Variants in ARRDC1 observed in about 807,000 individuals in gnomAD.
ARRDC1 encodes the protein arrestin domain-containing protein 1.
Under a neutral mutation model 40.1 loss-of-function variants are expected in ARRDC1, and 37 were observed. That is an observed-to-expected ratio of 0.92 (90% confidence interval 0.71 to 1.21). The LOEUF is 1.21. ARRDC1 is among the 50% of genes most tolerant of loss of function. The pLI, the probability that ARRDC1 is intolerant of heterozygous loss-of-function variation, is 0.00. For synonymous variants in ARRDC1, 310 were observed against 262.5 expected (o/e 1.18, Z -1.75); for missense variants, 641 against 581.9 (o/e 1.10, Z -1.04).
In ARRDC1 at chr9:137,613,503, G is replaced by C. The variant is rs551555298; in HGVS notation, c.273G>C (p.Leu91=). The C allele has an allele frequency of 2.7e-5, 44 of 1,613,732 alleles. 1 individual carries two copies. In the South Asian group the frequency reaches 4.1e-4, roughly 15 times the overall value. The change falls in exon 3 of 8, where the codon CTG becomes CTC. Residue 91 remains leucine (L), a synonymous_variant. Coordinates refer to ENST00000371421, the MANE Select transcript of ARRDC1 (RefSeq NM_152285.4). ...AGCACAGCTTCCCCTTCCAGTTCCT[G>C]CTTCCTGGTGAGAGCCCAGCCTGGA... ...AGEHSFPFQF[L]LPATAPTSFE...
chr9:137,613,911 G>A (rs551861205), intron 4 of ARRDC1, 121 bp from the exon 5 acceptor site: 8 of 1,534,380 alleles, frequency 5.2e-6, no homozygotes, highest in Non-Finnish European at 7.1e-6. Context: ...TGGCCTCTTT[G>A]CCCTGAGCTG....
intron 1 of ARRDC1, 113 bp from the exon 2 acceptor site, chr9:137,612,783 C>G: frequency 6.5e-6 from 5 of 764,036 alleles, no homozygotes; most frequent in Middle Eastern, 3.2e-4. Flanking sequence ...CTGGCCTTCC[C>G]AGGACCCTGC....
chr9:137,605,709 G>C lies in ARRDC1; in HGVS notation c.-9G>C. ...GCGTCGCTGCGCGGCTGGCCGGTGA[G>C]GCCGCGGCATGGGGCGAGTGCAGCT... On this transcript the variant is annotated 5_prime_UTR_variant, in exon 1 of 8. Coordinates refer to ENST00000371421, the MANE Select transcript of ARRDC1 (RefSeq NM_152285.4). The C allele has an allele frequency of 7.4e-7, 1 of 1,358,286 alleles. No individual in the cohort carries two copies. Among genetic ancestry groups the C allele is most frequent in the Non-Finnish European group, 9.5e-7 (1 of 1,053,082 alleles). 84.1% of individuals were successfully genotyped at this position (1,358,286 alleles called of 1,614,324 possible).
chr9:137,614,763 C>G lies in ARRDC1; in HGVS notation c.1000C>G (p.Leu334Val). The G allele has an allele frequency of 6.2e-7, 1 of 1,610,708 alleles. No individual in the cohort carries two copies. The highest frequency in any genetic ancestry group is 8.5e-7 in the Non-Finnish European group (1 of 1,178,430). ...CCCCCACTTCTTGGACCCCGTCTTCCTCTCCACCAAGAGCCATTCGCAGCG... is the reference window on the plus strand; with the variant it reads ...CCCCCACTTCTTGGACCCCGTCTTCGTCTCCACCAAGAGCCATTCGCAGCG... ...GGPHFLDPVF[L>V]STKSHSQRQP... Residue 334 changes from leucine to valine, a missense_variant, in exon 7 of 8, where the codon CTC becomes GTC. Coordinates refer to ENST00000371421, the MANE Select transcript of ARRDC1 (RefSeq NM_152285.4).
chr9:137,613,564 G>A, intron 3 of ARRDC1, 51 bp from the exon 4 acceptor site: 3 of 1,614,030 alleles, frequency 1.9e-6, no homozygotes, highest in Non-Finnish European at 1.7e-6. Flanking sequence ...CTGGGAGGTG[G>A]GCTCTGCAGG....
Position 137,615,135 on chromosome 9 carries a change from C to G in ARRDC1, c.1299C>G (p.Ser433Arg), listed in dbSNP as rs1370342858. ...GGVEPSLTPES is the reference protein window; with the variant it reads ...GGVEPSLTPER ...TGGAACCCAGCCTGACCCCTGAGAG[C>G]TGACCCCGTGCTGCCTTCTCCAGGC... The change falls in exon 8 of 8, where the codon AGC (serine) becomes AGG (arginine). Residue 433 changes from serine to arginine, a missense_variant. Transcript: ENST00000371421. 3 of 1,536,116 alleles carry G rather than the reference C, an allele frequency of 2.0e-6. No individual in the cohort carries two copies. In the African/African-American group the frequency reaches 4.1e-5, roughly 21 times the overall value.
chr9:137,614,930 C>CG lies in ARRDC1; in HGVS notation c.1173dup (p.Pro392AlafsTer22), dbSNP rs757365279. ...CTGTCCCCTACTTTGCAGAGGGCTC[C>CG]GGGGGGCCAGTGCCCACTACCAGCA... On this transcript the variant is annotated frameshift_variant, in exon 7 of 8. Transcript: ENST00000371421. LOFTEE classifies it high-confidence loss of function. 7.4e-6 allele frequency: 12 copies of CG among 1,613,728 alleles called. No homozygotes were observed. Among genetic ancestry groups the CG allele is most frequent in the Admixed American group, 3.3e-5 (2 of 59,992 alleles).
At position 137,609,696 on chromosome 9, in the gene ARRDC1, T is replaced by C. The variant is rs113963179; in HGVS notation, c.119-3200T>C. Among the ~76,000 whole-genome samples the C allele has an allele frequency of 2.1e-4, 32 of 152,112 alleles. 1 individual carries two copies. The highest frequency in any genetic ancestry group is 6.3e-4 in the African/African-American group (26 of 41,476). On this transcript the variant is annotated intron_variant, in intron 1 of 7. Transcript: ENST00000371421. ...CGCGCCACCACACCCAGCTAATCTT[T>C]GGTAGTTTTGGTAGAGATGGGGTTT...
chr9:137,606,850 G>A (rs1316530334), intron 1 of ARRDC1, among the ~76,000 whole-genome samples: 3 of 152,244 alleles, frequency 2.0e-5, no homozygotes, highest in African/African-American at 7.2e-5. Context: ...TGTGTGGTGA[G>A]GCCGGCTGGA....
chr9:137,611,582 AC>A (rs1355386376), intron 1 of ARRDC1: 32 of 150,396 alleles, frequency 2.1e-4, no homozygotes, highest in South Asian at 4.1e-4. Flanking sequence ...AACAACAACA[AC>A]AACAAAAAAA....
At position 137,614,388 on chromosome 9, in the gene ARRDC1, G is replaced by A. The variant is rs565068957; in HGVS notation, c.708G>A (p.Ala236=). 2.1e-4 allele frequency: 339 copies of A among 1,613,044 alleles called. No homozygotes were observed. In the East Asian group the frequency reaches 6.4e-3, roughly 30 times the overall value. Residue 236 remains alanine, a synonymous_variant, in exon 6 of 8, where the codon GCG becomes GCA. Coordinates refer to ENST00000371421, the MANE Select transcript of ARRDC1 (RefSeq NM_152285.4). ...CGGGCGTCAAGGCCTGGCGGCGGGC[G>A]CAGTGGCACGAGCAGATCCTGGTGC... The part of the protein sequence containing the change: ...EGAGVKAWRR[A]QWHEQILVPA...
chr9:137,612,820 C>A, intron 1 of ARRDC1, 76 bp from the exon 2 acceptor site: 1 of 1,193,398 alleles, frequency 8.4e-7, no homozygotes. Context: ...GGCCCCAGGT[C>A]GAATTCCTGT....
At chr9:137,612,847 G>A (rs753784116) in intron 1 of ARRDC1, 49 bp from the exon 2 acceptor site, 1 of 1,465,830 alleles carries the variant, frequency 6.8e-7, no homozygotes, top group African/African-American at 1.4e-5. Flanking sequence ...AGCAAGCAGG[G>A]GCCTGGGCCG....
At chr9:137,613,214 GCT>G in intron 2 of ARRDC1, 1 of 735,958 alleles carries the variant, frequency 1.4e-6, no homozygotes. Flanking sequence ...ATTTGGGTGG[GCT>G]CTGACCCCTG....
chr9:137,613,159 C>T (rs1208091278), intron 2 of ARRDC1, 153 bp downstream of exon 2: 2 of 787,050 alleles, frequency 2.5e-6, no homozygotes, highest in Admixed American at 2.0e-5. Context: ...ATGGCTTTCT[C>T]ATAGGCGCTG....
chr9:137,614,659 T>C lies in ARRDC1; in HGVS notation c.896T>C (p.Leu299Pro). The change falls in exon 7 of 8, where the codon CTG becomes CCG. Residue 299 changes from leucine (L) to proline (P), a missense_variant. Physicochemically the swap from Leu to Pro is moderately conservative, Grantham distance 98. Transcript: ENST00000371421. The stretch of plus-strand genomic sequence containing the variant: ...GTGAGCCCCCGGCCAGGCCTGGGGC[T>C]GCCTCCTGGGGCCCCACCCCTGGTG... ...APVSPRPGLG[L>P]PPGAPPLVVP... 1 of 1,612,454 alleles carries C rather than the reference T, an allele frequency of 6.2e-7. No homozygotes were observed. The highest frequency in any genetic ancestry group is 8.5e-7 in the Non-Finnish European group (1 of 1,179,748).
At chr9:137,613,847 C>A in intron 4 of ARRDC1, 78 bp downstream of exon 4, 2 of 1,577,660 alleles carry the variant, frequency 1.3e-6, no homozygotes. Context: ...GGCACTGCTT[C>A]ATCCCAGCGT....
intron 1 of ARRDC1, among the ~76,000 whole-genome samples, chr9:137,610,368 C>T (rs151029987): frequency 6.3e-4 from 96 of 152,186 alleles, no homozygotes; most frequent in East Asian, 2.3e-3. Flanking sequence ...GCCCCCTTTC[C>T]GGCATCCTCT....
Position 137,614,316 on chromosome 9 carries a change from C to T in ARRDC1, c.636C>T (p.Ala212=). 1 of 1,603,524 alleles carries T rather than the reference C, an allele frequency of 6.2e-7. No individual in the cohort carries two copies. Among genetic ancestry groups the T allele is most frequent in the Non-Finnish European group, 8.5e-7 (1 of 1,174,510 alleles). ...ASLLQKVSYK[A]KRWIHDVRTI... is the part of the protein sequence containing the mutation. ...TTCCCCAGAAAGTGTCCTATAAGGCCAAGCGCTGGATCCACGACGTACGGA... is the reference window on the plus strand; with the variant it reads ...TTCCCCAGAAAGTGTCCTATAAGGCTAAGCGCTGGATCCACGACGTACGGA... The change falls in exon 6 of 8, where the codon GCC becomes GCT. Residue 212 remains alanine, a synonymous_variant. Coordinates refer to ENST00000371421, the MANE Select transcript of ARRDC1 (RefSeq NM_152285.4).
Sources: allele counts gnomAD v4.1 joint callset (sites outside exome capture counted in the v4.1 genomes callset), GRCh38; gene constraint gnomAD v4.1.1; transcripts MANE v1.5; gene names NCBI Gene and HGNC (gene_info 2026-07-23, HGNC 2026-07-21).